Variants in RMDN1 observed in about 807,000 individuals in gnomAD.
RMDN1 encodes regulator of microtubule dynamics protein 1.
A neutral mutation model predicts 48.9 loss-of-function variants in RMDN1; 48 were observed. That is an observed-to-expected ratio of 0.98 (90% CI 0.78 to 1.25). RMDN1 has a LOEUF of 1.25. RMDN1 is among the 50% of genes most tolerant of loss of function. The pLI, the probability that RMDN1 is intolerant of heterozygous loss-of-function variation, is 0.00. For missense variants in RMDN1, 418 were observed against 373.4 expected (o/e 1.12, Z -0.98); for synonymous variants, 148 against 132.6 (o/e 1.12, Z -0.80).
chr8:86,485,428 C>T (rs1301486538), intron 4 of RMDN1, among the ~76,000 whole-genome samples: 2 of 151,794 alleles, frequency 1.3e-5, no homozygotes, highest in Non-Finnish European at 2.9e-5. Flanking sequence ...ATGTCTAAAA[C>T]AAAACAAAAC....
chr8:86,478,661 GA>G (rs1424947849), intron 7 of RMDN1: 3 of 430,140 alleles, frequency 7.0e-6, no homozygotes, highest in Non-Finnish European at 1.3e-5. Context: ...ATTTCAAACA[GA>G]AAATGAAGGT....
intron 8 of RMDN1, 48 bp downstream of exon 8, chr8:86,477,246 T>C (rs1489363367): frequency 5.3e-6 from 7 of 1,316,524 alleles, no homozygotes; most frequent in Non-Finnish European, 7.4e-6. Context: ...ATATTCAGCA[T>C]TCATACAATT....
chr8:86,471,207 A>AAAG (rs566061109), downstream of RMDN1, among the ~76,000 whole-genome samples: 252 of 148,630 alleles, frequency 1.7e-3, 1 homozygote, highest in African/African-American at 5.9e-3. Context: ...AATATTTTTT[A>AAAG]AAGTTCTAAT....
At chr8:86,487,261 G>C (rs1465273409) in intron 3 of RMDN1, among the ~76,000 whole-genome samples, 1 of 152,146 alleles carries the variant, frequency 6.6e-6, no homozygotes, top group Non-Finnish European at 1.5e-5. Flanking sequence ...AATGACATAA[G>C]AAATGGTTAA....
At chr8:86,486,747 T>TAGC in intron 3 of RMDN1, 104 bp from the exon 4 acceptor site, 1 of 775,944 alleles carries the variant, frequency 1.3e-6, no homozygotes, top group Non-Finnish European at 1.8e-6. Context: ...CTTAGGAAGC[T>TAGC]AGCAACATGA....
upstream of RMDN1, chr8:86,508,744 C>G: frequency 2.2e-6 from 3 of 1,393,774 alleles, 1 homozygote; most frequent in South Asian, 4.8e-5. Flanking sequence ...GCACCTCTTC[C>G]GCCTCCTGCC....
intron 2 of RMDN1, among the ~76,000 whole-genome samples, chr8:86,506,122 T>C (rs1360466907): frequency 6.6e-6 from 1 of 152,196 alleles, no homozygotes; most frequent in East Asian, 1.9e-4. Flanking sequence ...CTCATTACTT[T>C]TGAAGTAATC....
intron 2 of RMDN1, among the ~76,000 whole-genome samples, chr8:86,492,267 C>T (rs1381353099): frequency 6.6e-6 from 1 of 152,138 alleles, no homozygotes; most frequent in Non-Finnish European, 1.5e-5. Context: ...TTGTGATTAT[C>T]TTTTAAGCAT....
chr8:86,503,451 T>C, intron 2 of RMDN1: 2 of 203,278 alleles, frequency 9.8e-6, no homozygotes, highest in Non-Finnish European at 2.0e-5. Context: ...AGAGCATTCC[T>C]GAGGACCTGG....
chr8:86,474,926 A>C lies in RMDN1; in HGVS notation c.788T>G (p.Leu263Ter). 1 of 1,610,320 alleles carries C rather than the reference A, an allele frequency of 6.2e-7. No homozygotes were observed. Among genetic ancestry groups the C allele is most frequent in the Non-Finnish European group, 8.5e-7 (1 of 1,178,940 alleles). The change falls in exon 9 of 10, where the codon TTA becomes TGA. Residue 263 changes from leucine (L) to a stop codon, truncating the protein, a stop_gained. Transcript: ENST00000406452. LOFTEE classifies it high-confidence loss of function. Reference sequence around the variant, plus strand: ...CAAGTATGTCTTTCCTAAAAGAAGTAAGTTTTTGCTGTAGAAGTTTGGATC... The same window carrying C: ...CAAGTATGTCTTTCCTAAAAGAAGTCAGTTTTTGCTGTAGAAGTTTGGATC... ...QVDPNFYSKN[L>*]LLLGKTYLKL...
intron 5 of RMDN1, among the ~76,000 whole-genome samples, chr8:86,481,277 G>A (rs889796598): frequency 1.3e-5 from 2 of 152,110 alleles, no homozygotes; most frequent in Non-Finnish European, 2.9e-5. Flanking sequence ...CCACAACTGA[G>A]TTTTTTCTCT....
intron 5 of RMDN1, among the ~76,000 whole-genome samples, chr8:86,481,292 T>C (rs1035213181): frequency 3.9e-5 from 6 of 152,332 alleles, no homozygotes; most frequent in Admixed American, 1.3e-4. Flanking sequence ...TTCTCTTTTA[T>C]GGAAAAGTCA....
downstream of RMDN1, among the ~76,000 whole-genome samples, chr8:86,468,863 C>T (rs954153694): frequency 3.3e-5 from 5 of 152,158 alleles, no homozygotes; most frequent in Non-Finnish European, 7.3e-5. Context: ...CCCCACTCAC[C>T]TTCTCCCCTT....
Position 86,474,331 on chromosome 8 carries a change from T to G in RMDN1, c.922A>C (p.Thr308Pro), listed in dbSNP as rs767916080. 6.2e-7 allele frequency: 1 copy of G among 1,613,488 alleles called. No homozygotes were observed. Among genetic ancestry groups the G allele is most frequent in the Non-Finnish European group, 8.5e-7 (1 of 1,179,666 alleles). ...TCTCAATTCTTCTCACTGAAACTTG[T>G]AAGCAACTGAGCAGCTTCTGTCTGT... ...QIQTEAAQLL[T>P]SFSEKN Residue 308 changes from threonine to proline, a missense_variant, in exon 10 of 10, where the codon ACA becomes CCA. Physicochemically the swap from Thr to Pro is conservative, Grantham distance 38. Coordinates refer to ENST00000406452, the MANE Select transcript of RMDN1 (RefSeq NM_016033.3).
chr8:86,499,032 A>G (rs938683863), intron 2 of RMDN1, among the ~76,000 whole-genome samples: 5 of 152,168 alleles, frequency 3.3e-5, no homozygotes, highest in Non-Finnish European at 5.9e-5. Flanking sequence ...CTTTACCTTA[A>G]AAAACATCAA....
rs1483982749 is a variant in RMDN1, at chr8:86,508,675, C to G, written c.-55G>C. 5 of 1,522,766 alleles carry G rather than the reference C, an allele frequency of 3.3e-6. No individual in the cohort carries two copies. The highest frequency in any genetic ancestry group is 1.4e-5 in the African/African-American group (1 of 71,794). The allele number at this position is 1,522,766 out of a possible 1,614,324, so 94.3% of individuals were successfully genotyped here. A position where few individuals can be genotyped will look rare whatever the true frequency, so the allele number is the denominator to read the frequency against. ...TACTTCAGGCAGCTACGGAGGCGGG[C>G]GGGGCTAAAGGAGATTCAATCCTTC... On this transcript the variant is annotated 5_prime_UTR_variant, in exon 1 of 10. Coordinates refer to ENST00000406452, the MANE Select transcript of RMDN1 (RefSeq NM_016033.3).
chr8:86,480,401 C>G (rs990663897), intron 5 of RMDN1, 69 bp from the exon 6 acceptor site: 28 of 810,896 alleles, frequency 3.5e-5, no homozygotes, highest in Admixed American at 9.3e-5. Context: ...ACTGTGTTTG[C>G]TGAAGAAGCC....
At chr8:86,500,328 T>C (rs550439482) in intron 2 of RMDN1, among the ~76,000 whole-genome samples, 2 of 151,880 alleles carry the variant, frequency 1.3e-5, no homozygotes, top group African/African-American at 2.4e-5. Flanking sequence ...CTTAAAACAA[T>C]TGAACAAGCA....
intron 2 of RMDN1, chr8:86,503,822 CTCTT>C (rs1818815040): frequency 3.6e-6 from 2 of 549,796 alleles, no homozygotes; most frequent in Non-Finnish European, 7.0e-6. Flanking sequence ...TTCCGTTAGA[CTCTT>C]TATCAACCAC....
Sources: gnomAD v4.1 joint callset for allele counts (sites outside exome capture counted in the v4.1 genomes callset) on GRCh38, gnomAD v4.1.1 for gene constraint, MANE v1.5 for transcripts, NCBI Gene and HGNC (gene_info 2026-07-23, HGNC 2026-07-21) for gene names.